The following BMP1 variants were observed in gnomAD, a reference collection of about 807,000 sequenced individuals.
The protein encoded by BMP1 is bone morphogenetic protein 1.
A neutral mutation model predicts 116.8 loss-of-function variants in BMP1; 63 were observed. The observed-to-expected ratio is 0.54, with a 90% confidence interval of 0.44 to 0.67. BMP1 has a LOEUF of 0.67. BMP1 is among the 30% of genes least tolerant of loss of function. The pLI is 0.00. For synonymous variants in BMP1, 536 were observed against 533.4 expected (o/e 1.00, Z -0.07); for missense variants, 1,183 against 1,358.9 (o/e 0.87, Z 2.04).
intron 8 of BMP1, among the ~76,000 whole-genome samples, chr8:22,186,530 T>C (rs1235379565): frequency 3.3e-5 from 5 of 152,120 alleles, no homozygotes; most frequent in Admixed American, 2.6e-4. Context: ...TGCAGTGGCA[T>C]GATCTCGGCT....
At chr8:22,206,703 A>G (rs1262526924) in intron 16 of BMP1, 151 bp from the exon 17 acceptor site, 11 of 1,219,126 alleles carry the variant, frequency 9.0e-6, no homozygotes, top group Non-Finnish European at 1.3e-5. Context: ...TAACCTCATG[A>G]AAAAGAAACG....
chr8:22,179,604 C>A lies in BMP1; in HGVS notation c.837-101C>A. On this transcript the variant is annotated intron_variant, in intron 6 of 19. Coordinates refer to ENST00000306385, the MANE Select transcript of BMP1 (RefSeq NM_006129.5). The surrounding 1 kb of genome is among the most constrained non-coding windows in gnomAD (Gnocchi z 4.6). ...CTGACCCTGCTGAGGAATGTCTGAG[C>A]TCCAGCAGGGTCGTGACTTGTGGGT... is the stretch of plus-strand genomic sequence containing the variant. 6.3e-7 allele frequency: 1 copy of A among 1,591,264 alleles called. No homozygotes were observed. The highest frequency in any genetic ancestry group is 8.6e-7 in the Non-Finnish European group (1 of 1,167,702).
chr8:22,183,766 G>A (rs904111418), intron 8 of BMP1, among the ~76,000 whole-genome samples: 1 of 152,136 alleles, frequency 6.6e-6, no homozygotes, highest in Non-Finnish European at 1.5e-5. Flanking sequence ...TAGTAGAGAC[G>A]GGTTTCTCCA....
In BMP1 at chr8:22,194,083, T is replaced by C. The variant is rs371924539; in HGVS notation, c.1206T>C (p.Pro402=). 2.5e-6 allele frequency: 4 copies of C among 1,614,106 alleles called. No homozygotes were observed. Among genetic ancestry groups the C allele is most frequent in the East Asian group, 2.2e-5 (1 of 44,890 alleles). The change falls in exon 10 of 20, where the codon CCT becomes CCC. Residue 402 remains proline (P), a synonymous_variant. Coordinates refer to ENST00000306385, the MANE Select transcript of BMP1 (RefSeq NM_006129.5). The surrounding 1 kb of genome is among the most constrained non-coding windows in gnomAD (Gnocchi z 4.5). ...GCCGCTTCTGCGGGTCCAAACTCCCTGAGCCTATCGTCTCCACTGACAGCC... is the reference window on the plus strand; with the variant it reads ...GCCGCTTCTGCGGGTCCAAACTCCCCGAGCCTATCGTCTCCACTGACAGCC... ...LRGRFCGSKL[P]EPIVSTDSRL...
At position 22,192,100 on chromosome 8, in the gene BMP1, T is replaced by C. The variant is rs2131878670; in HGVS notation, c.1129T>C (p.Tyr377His). Residue 377 changes from tyrosine (Y) to histidine (H), a missense_variant, in exon 9 of 20, where the codon TAC becomes CAC. Physicochemically the swap from Tyr to His is moderately conservative, Grantham distance 83 (BLOSUM62 2). Around this residue, in one of 4 missense-constraint regions of BMP1, gnomAD observed 956 missense variants for 1,135.2 expected, o/e 0.84. Coordinates refer to ENST00000306385, the MANE Select transcript of BMP1 (RefSeq NM_006129.5). ...LDLYRSRLCW[Y>H]DYVEVRDGFW... ...CCTGTACCGCAGCCGCCTGTGCTGGTACGACTATGTGGAGGTCCGAGATGG... is the reference window on the plus strand; with the variant it reads ...CCTGTACCGCAGCCGCCTGTGCTGGCACGACTATGTGGAGGTCCGAGATGG... 6.2e-7 allele frequency: 1 copy of C among 1,613,998 alleles called. No homozygotes were observed. The highest frequency in any genetic ancestry group is 1.7e-5 in the Admixed American group (1 of 60,026).
At chr8:22,166,094 T>C (rs993026013) in intron 1 of BMP1, among the ~76,000 whole-genome samples, 32 of 151,982 alleles carry the variant, frequency 2.1e-4, no homozygotes, top group Non-Finnish European at 4.4e-4. Flanking sequence ...AGAAAGTTTT[T>C]CCAGGGATTC....
At position 22,178,023 on chromosome 8, in the gene BMP1, C is replaced by G. The variant is rs539657960; in HGVS notation, c.836+66C>G. On this transcript the variant is annotated intron_variant, in intron 6 of 19. Transcript: ENST00000306385. The stretch of plus-strand genomic sequence containing the variant: ...CCCACCCTGCCCTCTGTAGGCTATT[C>G]TCCTCCTGCCTCCCACTTCTGGGGC... The G allele has an allele frequency of 8.8e-6, 11 of 1,256,178 alleles. No homozygotes were observed. In the East Asian group the frequency reaches 2.4e-4, roughly 27 times the overall value. The allele number at this position is 1,256,178 out of a possible 1,614,324, so 77.8% of individuals were successfully genotyped here.
intron 8 of BMP1, among the ~76,000 whole-genome samples, chr8:22,184,652 C>G (rs1828714907): frequency 1.3e-5 from 2 of 152,220 alleles, no homozygotes; most frequent in Admixed American, 1.3e-4. Flanking sequence ...CCACGGAAAG[C>G]ATTAGGCACC....
chr8:22,185,712 C>A lies in BMP1; in HGVS notation c.1077+5229C>A, dbSNP rs79714757. 1.6e-3 allele frequency among the ~76,000 whole-genome samples: 239 copies of A among 152,004 alleles called. 4 individuals carry two copies. The East Asian group carries it at 0.035, about 22-fold the overall frequency. ...TCTCAGCTCACCTTGACCTCTGCCC[C>A]CCGAGTTCAAGCAATTCTTCTGCCT... On this transcript the variant is annotated intron_variant, in intron 8 of 19. Transcript: ENST00000306385.
chr8:22,211,232 G>T (rs1829457474), intron 19 of BMP1, among the ~76,000 whole-genome samples: 1 of 152,178 alleles, frequency 6.6e-6, no homozygotes, highest in South Asian at 2.1e-4. Flanking sequence ...TTTGACATCG[G>T]TGCAGTCCTT....
intron 5 of BMP1, chr8:22,177,503 G>A: frequency 1.4e-6 from 1 of 712,946 alleles, no homozygotes; most frequent in South Asian, 1.4e-5. Flanking sequence ...TGCCCTCCGA[G>A]GGCTTTTCTC....
rs1829387259 is a variant in BMP1 at position 22,207,581 on chromosome 8, GT to G, written c.2575+68del. 3.8e-6 allele frequency: 6 copies of G among 1,559,520 alleles called. No homozygotes were observed. In the South Asian group the frequency reaches 6.8e-5, roughly 18 times the overall value. Reference sequence around the variant, plus strand: ...CTCCAAGACTGGGGTAGAGTCGGGGGTTTCAATGCGGGTATGAAGGTACAGA... The same window carrying G: ...CTCCAAGACTGGGGTAGAGTCGGGGGTTCAATGCGGGTATGAAGGTACAGA... On this transcript the variant is annotated intron_variant, in intron 18 of 19. Transcript: ENST00000306385.
chr8:22,206,771 G>T (rs1458518687), intron 16 of BMP1, 83 bp from the exon 17 acceptor site: 3 of 1,558,974 alleles, frequency 1.9e-6, no homozygotes, highest in South Asian at 2.3e-5. Context: ...AGGAGGGGGG[G>T]CAGGAGGGAA....
At chr8:22,166,142 C>T (rs12544208) in intron 1 of BMP1, among the ~76,000 whole-genome samples, 3 of 151,668 alleles carry the variant, frequency 2.0e-5, no homozygotes, top group African/African-American at 7.3e-5. Context: ...GTAGTTTAAC[C>T]AGTAGCTGAA....
In BMP1 at chr8:22,196,755, A is replaced by G. The variant is rs1829105024; in HGVS notation, c.1841A>G (p.Asn614Ser). ...GGCTGGCCCAAGGAGTACCCCCCCAACAAGAACTGCATCTGGCAGCTGGTG... is the reference window on the plus strand; with the variant it reads ...GGCTGGCCCAAGGAGTACCCCCCCAGCAAGAACTGCATCTGGCAGCTGGTG... Reference protein sequence around the residue: ...SPGWPKEYPPNKNCIWQLVAP... With the variant: ...SPGWPKEYPPSKNCIWQLVAP... Residue 614 changes from asparagine (N) to serine (S), a missense_variant, in exon 14 of 20, where the codon AAC (asparagine) becomes AGC (serine). Transcript: ENST00000306385. 6.2e-7 allele frequency: 1 copy of G among 1,612,858 alleles called. No individual in the cohort carries two copies. The highest frequency in any genetic ancestry group is 8.5e-7 in the Non-Finnish European group (1 of 1,179,466).
intron 8 of BMP1, among the ~76,000 whole-genome samples, chr8:22,185,611 C>G (rs1828746105): frequency 2.0e-5 from 3 of 150,756 alleles, no homozygotes; most frequent in Admixed American, 2.0e-4. Flanking sequence ...ACGTGTTCTT[C>G]AAGGTCCAAC....
intron 1 of BMP1, among the ~76,000 whole-genome samples, chr8:22,172,892 C>G (rs1267350232): frequency 6.6e-6 from 1 of 152,100 alleles, no homozygotes; most frequent in Non-Finnish European, 1.5e-5. Context: ...GTTGGGATTA[C>G]AGGTGTGAGC....
In BMP1 at chr8:22,195,517, C is replaced by A; in HGVS notation, c.1695C>A (p.Asn565Lys). The change falls in exon 13 of 20, where the codon AAC (asparagine) becomes AAA (lysine). Residue 565 changes from asparagine (N) to lysine (K), a missense_variant. Physicochemically the swap from Asn to Lys is moderately conservative, Grantham distance 94 (BLOSUM62 0). Coordinates refer to ENST00000306385, the MANE Select transcript of BMP1 (RefSeq NM_006129.5). ...GGGGCTGTGAGCAGCGGTGCCTCAACACCCTGGGCAGCTACAAGTGCAGCT... is the reference window on the plus strand; with the variant it reads ...GGGGCTGTGAGCAGCGGTGCCTCAAAACCCTGGGCAGCTACAAGTGCAGCT... The part of the protein sequence containing the change: ...NRGGCEQRCL[N>K]TLGSYKCSCD... The A allele has an allele frequency of 1.2e-6, 2 of 1,612,806 alleles. No individual in the cohort carries two copies. The highest frequency in any genetic ancestry group is 1.7e-6 in the Non-Finnish European group (2 of 1,179,788).
At chr8:22,196,279 G>A (rs1470319206) in intron 13 of BMP1, 1 of 543,824 alleles carries the variant, frequency 1.8e-6, no homozygotes, top group Non-Finnish European at 3.6e-6. Context: ...AGCACTCCGA[G>A]GCTAATGGCT....
Sources: allele counts gnomAD v4.1 joint callset (sites outside exome capture counted in the v4.1 genomes callset), GRCh38; gene constraint gnomAD v4.1.1; regional missense constraint gnomAD v4.1.1; non-coding constraint Gnocchi (gnomAD v3.1); transcripts MANE v1.5; gene names NCBI Gene and HGNC (gene_info 2026-07-23, HGNC 2026-07-21).